The following TCF25 variants were observed in gnomAD, a reference collection of about 807,000 sequenced individuals.
The protein encoded by TCF25 is ribosome quality control complex subunit TCF25.
A neutral mutation model predicts 83.1 loss-of-function variants in TCF25; 41 were observed. The observed-to-expected ratio is 0.49, with a 90% CI of 0.38 to 0.64. TCF25 has a LOEUF of 0.64. Among genes scored for constraint, TCF25 ranks in the 30% least tolerant of loss-of-function variants. TCF25 has a pLI of 0.00. For missense variants in TCF25, 979 were observed against 914.5 expected, an observed-to-expected ratio of 1.07 and a Z score of -0.91; for synonymous variants, 458 against 365.0, an observed-to-expected ratio of 1.25 and a Z score of -2.90.
intron 9 of TCF25, among the ~76,000 whole-genome samples, chr16:89,896,548 C>CTT (rs1567720820): frequency 2.1e-5 from 3 of 140,718 alleles, no homozygotes; most frequent in African/African-American, 8.3e-5. Context: ...CTCAAAACAG[C>CTT]ATTTTTTTTT....
chr16:89,895,587 T>C (rs2043789100), intron 8 of TCF25, among the ~76,000 whole-genome samples: 1 of 152,264 alleles, frequency 6.6e-6, no homozygotes, highest in South Asian at 2.1e-4. Context: ...TTTTATGGCT[T>C]AGTAATACTC....
chr16:89,907,164 G>C (rs556410073), intron 15 of TCF25, 79 bp from the exon 16 acceptor site: 3 of 1,417,860 alleles, frequency 2.1e-6, no homozygotes, highest in South Asian at 1.2e-5. Flanking sequence ...TGCTGGAGTC[G>C]ACAGAAGGAC....
intron 12 of TCF25, 121 bp from the exon 13 acceptor site, chr16:89,903,997 C>G (rs1330273560): frequency 2.0e-6 from 2 of 1,000,410 alleles, no homozygotes; most frequent in African/African-American, 1.6e-5. Context: ...CCTGCAGACT[C>G]TCCACCTTAG....
intron 1 of TCF25, among the ~76,000 whole-genome samples, chr16:89,879,063 C>T (rs1432106861): frequency 7.9e-5 from 12 of 152,242 alleles, no homozygotes; most frequent in African/African-American, 2.9e-4. Context: ...AGGCCTGTCA[C>T]CCGTGCTGTC....
At chr16:89,882,995 C>G (rs760506990) in intron 1 of TCF25, among the ~76,000 whole-genome samples, 8 of 152,226 alleles carry the variant, frequency 5.3e-5, no homozygotes, top group Non-Finnish European at 8.8e-5. Flanking sequence ...GAAGAAGGAA[C>G]TTTAATGCAT....
At position 89,889,414 on chromosome 16, in the gene TCF25, C is replaced by T. The variant is rs139889575; in HGVS notation, c.614+1697C>T. On this transcript the variant is annotated intron_variant, in intron 5 of 17. Coordinates refer to ENST00000263346, the MANE Select transcript of TCF25 (RefSeq NM_014972.3). ...GTGATGTCAAACTCCTGGCTTCAAGCGATTCTCCTCCCTCTACCTCCTAAA... is the reference window on the plus strand; with the variant it reads ...GTGATGTCAAACTCCTGGCTTCAAGTGATTCTCCTCCCTCTACCTCCTAAA... The T allele has an allele frequency of 1.8e-3, 457 of 249,376 alleles. 2 individuals are homozygous for T. Among genetic ancestry groups the T allele is most frequent in the Non-Finnish European group, 1.0e-3 (131 of 126,938 alleles). 15.4% of individuals were successfully genotyped at this position (249,376 alleles called of 1,614,324 possible). A position where few individuals can be genotyped will look rare whatever the true frequency, so the allele number is the denominator to read the frequency against.
At chr16:89,904,078 T>C (rs781767655) in intron 12 of TCF25, 40 bp from the exon 13 acceptor site, 2 of 1,570,212 alleles carry the variant, frequency 1.3e-6, no homozygotes, top group South Asian at 2.3e-5. Context: ...GGCTGGGGTG[T>C]GTGCTGAGGG....
At chr16:89,894,182 C>T (rs1482381921) in intron 7 of TCF25, among the ~76,000 whole-genome samples, 1 of 152,144 alleles carries the variant, frequency 6.6e-6, no homozygotes, top group Non-Finnish European at 1.5e-5. Flanking sequence ...CCTCCTGCGG[C>T]TCAGTGCAGG....
At chr16:89,876,857 A>G (rs1012653884) in intron 1 of TCF25, among the ~76,000 whole-genome samples, 1 of 147,306 alleles carries the variant, frequency 6.8e-6, no homozygotes, top group Admixed American at 7.0e-5. Context: ...TGAACCCAGG[A>G]GGCGGAGCTT....
At chr16:89,874,494 AT>A (rs1424312475) in intron 1 of TCF25, 2 of 152,790 alleles carry the variant, frequency 1.3e-5, no homozygotes, top group Non-Finnish European at 2.9e-5. Context: ...TTCTGCTTTA[AT>A]CCTCACAACA....
At chr16:89,898,990 A>AGGGCAGAACCAC in intron 11 of TCF25, 118 bp downstream of exon 11, 1 of 979,018 alleles carries the variant, frequency 1.0e-6, no homozygotes, top group East Asian at 2.6e-5. Context: ...TAATCGTCTG[A>AGGGCAGAACCAC]GGGCAGAACC....
intron 14 of TCF25, among the ~76,000 whole-genome samples, chr16:89,905,646 A>G (rs2044712585): frequency 6.6e-6 from 1 of 152,210 alleles, no homozygotes; most frequent in Middle Eastern, 3.2e-3. Context: ...GCATCTCCAC[A>G]GTGAAGTCTG....
chr16:89,907,500 TCC>T (rs2044960435), intron 16 of TCF25, among the ~76,000 whole-genome samples, 178 bp downstream of exon 16: 1 of 7,490 alleles, frequency 1.3e-4, no homozygotes, highest in African/African-American at 4.2e-4. Context: ...CCCACCTCCC[TCC>T]TCCCACCTCC....
At chr16:89,877,348 TG>T (rs2042278264) in intron 1 of TCF25, among the ~76,000 whole-genome samples, 1 of 152,056 alleles carries the variant, frequency 6.6e-6, no homozygotes, top group Non-Finnish European at 1.5e-5. Flanking sequence ...GAACTATAAG[TG>T]GGTGTCACCA....
chr16:89,894,416 C>G (rs967531084), intron 7 of TCF25, among the ~76,000 whole-genome samples: 1 of 148,300 alleles, frequency 6.7e-6, no homozygotes, highest in African/African-American at 2.6e-5. Context: ...ACGCAGCCGC[C>G]GGACAGCTCC....
At chr16:89,897,118 G>A (rs926408068) in intron 9 of TCF25, among the ~76,000 whole-genome samples, 3 of 152,192 alleles carry the variant, frequency 2.0e-5, no homozygotes, top group Admixed American at 6.5e-5. Context: ...TCTATGTTTG[G>A]CTGAGAAAAC....
At chr16:89,878,361 G>C (rs2042346258) in intron 1 of TCF25, 1 of 1,106,924 alleles carries the variant, frequency 9.0e-7, no homozygotes, top group Admixed American at 3.8e-5. Context: ...CAAGGCGGGT[G>C]GACCACCTGA....
intron 1 of TCF25, among the ~76,000 whole-genome samples, chr16:89,874,230 C>T (rs1003688887): frequency 6.6e-6 from 1 of 151,934 alleles, no homozygotes; most frequent in Admixed American, 6.6e-5. Flanking sequence ...GTCCGCGGGG[C>T]CGGGCCACGA....
At chr16:89,882,993 A>C (rs1173513422) in intron 1 of TCF25, among the ~76,000 whole-genome samples, 39 of 152,240 alleles carry the variant, frequency 2.6e-4, no homozygotes, top group Admixed American at 2.6e-3. Flanking sequence ...AGGAAGAAGG[A>C]ACTTTAATGC....
Sources: allele counts gnomAD v4.1 joint callset (sites outside exome capture counted in the v4.1 genomes callset), GRCh38; gene constraint gnomAD v4.1.1; transcripts MANE v1.5; gene names NCBI Gene and HGNC (gene_info 2026-07-23, HGNC 2026-07-21).